GALNT17: variants seen among roughly 807,000 people sequenced by gnomAD.
GALNT17 encodes the protein UDP-GalNAc:polypeptide N-acetylgalactosaminyltransferase-like 3.
GALNT17 carries 29 observed loss-of-function variants against 63.7 expected under a neutral mutation model. That is an observed-to-expected ratio of 0.46 (90% confidence interval 0.34 to 0.62). GALNT17 has a LOEUF of 0.62. Among genes scored for constraint, GALNT17 ranks in the 20% least tolerant of loss-of-function variants. GALNT17 has a pLI of 0.01. For synonymous variants in GALNT17, 305 were observed against 318.3 expected, an observed-to-expected ratio of 0.96 and a Z score of 0.45; for missense variants, 603 against 799.6, an observed-to-expected ratio of 0.75 and a Z score of 2.97.
At chr7:71,359,789 G>A (rs1226480312) in intron 2 of GALNT17, among the ~76,000 whole-genome samples, 2 of 152,054 alleles carry the variant, frequency 1.3e-5, no homozygotes, top group African/African-American at 4.8e-5. Context: ...TCACCATGTT[G>A]GCCAGGCTGG....
At chr7:71,325,588 C>T (rs1791691401) in intron 1 of GALNT17, among the ~76,000 whole-genome samples, 1 of 152,186 alleles carries the variant, frequency 6.6e-6, no homozygotes, top group Non-Finnish European at 1.5e-5. Context: ...ATCATGTCCT[C>T]ATTTGTATGA....
intron 5 of GALNT17, among the ~76,000 whole-genome samples, chr7:71,519,076 GA>G (rs1788486173): frequency 6.6e-6 from 1 of 152,206 alleles, no homozygotes; most frequent in Admixed American, 6.5e-5. Flanking sequence ...GGTGGCTTCA[GA>G]GCAGAAAAGA....
At chr7:71,251,847 A>G (rs1790203559) in intron 1 of GALNT17, among the ~76,000 whole-genome samples, 1 of 152,122 alleles carries the variant, frequency 6.6e-6, no homozygotes, top group Non-Finnish European at 1.5e-5. Flanking sequence ...TTACCTTACG[A>G]CTGTCACCCC....
Position 71,324,963 on chromosome 7 carries a change from C to T in GALNT17, c.239-10587C>T, listed in dbSNP as rs1225528234. The stretch of plus-strand genomic sequence containing the variant: ...TCTTTTGGCAATATTTCCTGACAAG[C>T]TCTTGTGTTCCATTGATCTTGCCTA... On this transcript the variant is annotated intron_variant, in intron 1 of 10. Transcript: ENST00000333538. 2.0e-5 allele frequency among the ~76,000 whole-genome samples: 3 copies of T among 152,116 alleles called. No homozygotes were observed. In the East Asian group the frequency reaches 5.8e-4, roughly 29 times the overall value.
At chr7:71,351,263 G>T (rs1792184563) in intron 2 of GALNT17, among the ~76,000 whole-genome samples, 1 of 152,134 alleles carries the variant, frequency 6.6e-6, no homozygotes, top group Non-Finnish European at 1.5e-5. Flanking sequence ...TTTAGGAACT[G>T]ATAGCAGATA....
chr7:71,399,062 G>A (rs1231638180), intron 3 of GALNT17, among the ~76,000 whole-genome samples: 7 of 151,952 alleles, frequency 4.6e-5, no homozygotes, highest in Non-Finnish European at 7.4e-5. Flanking sequence ...ATGAAACCCC[G>A]TCTACGCTAA....
At chr7:71,670,183 T>C (rs1791047888) in intron 8 of GALNT17, 74 bp downstream of exon 8, 2 of 1,591,766 alleles carry the variant, frequency 1.3e-6, no homozygotes, top group Non-Finnish European at 1.7e-6. Context: ...TGGGGAGAAA[T>C]AGAGTTGCTC....
chr7:71,638,728 A>C (rs1462345921), intron 6 of GALNT17, among the ~76,000 whole-genome samples: 1 of 152,184 alleles, frequency 6.6e-6, no homozygotes, highest in Admixed American at 6.5e-5. Flanking sequence ...TGCCATCCAA[A>C]GAGTAGGTGA....
chr7:71,436,856 A>G (rs1786974435), intron 5 of GALNT17, among the ~76,000 whole-genome samples: 1 of 152,230 alleles, frequency 6.6e-6, no homozygotes, highest in Non-Finnish European at 1.5e-5. Flanking sequence ...GGTCTAATGG[A>G]AGGCATATCC....
At chr7:71,381,876 C>G (rs1433641897) in intron 2 of GALNT17, among the ~76,000 whole-genome samples, 3 of 152,174 alleles carry the variant, frequency 2.0e-5, no homozygotes, top group Non-Finnish European at 4.4e-5. Context: ...GTCTTGCAGC[C>G]TGCAGTGTCA....
intron 5 of GALNT17, among the ~76,000 whole-genome samples, chr7:71,563,376 G>A (rs1789287203): frequency 6.6e-6 from 1 of 152,116 alleles, no homozygotes; most frequent in Admixed American, 6.5e-5. Context: ...CTGATTGTCA[G>A]GATGAAGTGG....
chr7:71,169,233 C>T (rs1788501448), intron 1 of GALNT17, among the ~76,000 whole-genome samples: 1 of 152,130 alleles, frequency 6.6e-6, no homozygotes, highest in Non-Finnish European at 1.5e-5. Flanking sequence ...CTAATAGCTG[C>T]CTCGATCTCC....
intron 1 of GALNT17, among the ~76,000 whole-genome samples, chr7:71,170,757 A>T (rs796500107): frequency 6.6e-6 from 1 of 152,178 alleles, no homozygotes; most frequent in South Asian, 2.1e-4. Context: ...TTGGGAGTTA[A>T]ATTGCCCCCC....
rs562996114 is a variant in GALNT17 at position 71,183,971 on chromosome 7, T to C, written c.238+50931T>C. Among the ~76,000 whole-genome samples the C allele has an allele frequency of 2.0e-5, 3 of 152,184 alleles. No individual in the cohort carries two copies. In the East Asian group the frequency reaches 5.8e-4, roughly 29 times the overall value. ...GAGCTACTGTGAGTTACAGACCGAATTGTCTCCCCACAAATTCATATGAAG... is the reference window on the plus strand; with the variant it reads ...GAGCTACTGTGAGTTACAGACCGAACTGTCTCCCCACAAATTCATATGAAG... On this transcript the variant is annotated intron_variant, in intron 1 of 10. Coordinates refer to ENST00000333538, the MANE Select transcript of GALNT17 (RefSeq NM_022479.3).
intron 5 of GALNT17, among the ~76,000 whole-genome samples, chr7:71,570,518 C>T (rs1789422177): frequency 6.6e-6 from 1 of 152,072 alleles, no homozygotes; most frequent in South Asian, 2.1e-4. Flanking sequence ...TTCTCACCTC[C>T]AAGCTTCTTT....
At chr7:71,485,060 C>A (rs1359718541) in intron 5 of GALNT17, among the ~76,000 whole-genome samples, 1 of 145,546 alleles carries the variant, frequency 6.9e-6, no homozygotes, top group Non-Finnish European at 1.5e-5. Flanking sequence ...CCACCCACTT[C>A]AGCTTCCCAA....
chr7:71,701,858 CAT>C (rs770291026), intron 9 of GALNT17, among the ~76,000 whole-genome samples: 1,819 of 21,092 alleles, frequency 0.086, 34 homozygotes, highest in Middle Eastern at 0.17. Context: ...TATATATACA[CAT>C]ATATATATAC....
intron 1 of GALNT17, among the ~76,000 whole-genome samples, chr7:71,146,797 CAG>C (rs1229257722): frequency 6.6e-6 from 1 of 152,210 alleles, no homozygotes; most frequent in Non-Finnish European, 1.5e-5. Flanking sequence ...TTGCTAACTG[CAG>C]AGTCTCAGCT....
chr7:71,566,464 T>A (rs568034307), intron 5 of GALNT17, among the ~76,000 whole-genome samples: 1 of 152,190 alleles, frequency 6.6e-6, no homozygotes, highest in East Asian at 1.9e-4. Context: ...TTATCAGAAT[T>A]GCTTGATGTG....
Sources: gnomAD v4.1 joint callset for allele counts (sites outside exome capture counted in the v4.1 genomes callset) on GRCh38, gnomAD v4.1.1 for gene constraint, MANE v1.5 for transcripts, NCBI Gene and HGNC (gene_info 2026-07-23, HGNC 2026-07-21) for gene names.